Variants in F11 observed in about 807,000 individuals in gnomAD.
The protein encoded by F11 is coagualtion factor XI.
A neutral mutation model predicts 76.5 loss-of-function variants in F11; 78 were observed. That is an observed-to-expected ratio of 1.02 (90% CI 0.85 to 1.23). The LOEUF is 1.23. F11 is among the 50% of genes most tolerant of loss of function. The pLI is 0.00. For synonymous variants in F11, 278 were observed against 276.3 expected (o/e 1.01, Z -0.06); for missense variants, 742 against 771.4 (o/e 0.96, Z 0.45).
chr4:186,288,279 G>A (rs1741364749), intron 14 of F11, 174 bp from the exon 15 acceptor site: 1 of 765,930 alleles, frequency 1.3e-6, no homozygotes, highest in African/African-American at 1.7e-5. Context: ...GTTTGACTTA[G>A]ACTGAAATCA....
Position 186,280,012 on chromosome 4 carries a change from A to C in F11, c.756A>C (p.Arg252Ser). ...FSQEWPKESQ[R>S]NLCLLKTSES... Reference sequence around the variant, plus strand: ...TCTACTTCCCTTTTGTTTTTGTTAGAAATCTTTGTCTCCTTAAAACATCTG... The same window carrying C: ...TCTACTTCCCTTTTGTTTTTGTTAGCAATCTTTGTCTCCTTAAAACATCTG... Residue 252 changes from arginine (R) to serine (S), a missense_variant and splice_region_variant, in exon 8 of 15, where the codon AGA becomes AGC. By Grantham distance (110) the Arg-to-Ser change is moderately radical. Coordinates refer to ENST00000403665, the MANE Select transcript of F11 (RefSeq NM_000128.4). 2 of 1,611,222 alleles carry C rather than the reference A, an allele frequency of 1.2e-6. No homozygotes were observed. Among genetic ancestry groups the C allele is most frequent in the South Asian group, 2.2e-5 (2 of 91,006 alleles).
In F11 at chr4:186,288,187, C is replaced by A. The variant is rs567439820; in HGVS notation, c.1717-266C>A. On this transcript the variant is annotated intron_variant, in intron 14 of 14. Coordinates refer to ENST00000403665, the MANE Select transcript of F11 (RefSeq NM_000128.4). ...TGGGCCTCCCAAAGTGCTGGGATTA[C>A]AGGCGTGAGCCACCGCGCCGGGCCG... Among the ~76,000 whole-genome samples the A allele has an allele frequency of 1.2e-4, 19 of 152,178 alleles. 1 individual carries two copies. Among genetic ancestry groups the A allele is most frequent in the South Asian group, 8.3e-4 (4 of 4,810 alleles).
chr4:186,290,288 A>G (rs1186678393), downstream of F11, among the ~76,000 whole-genome samples: 1 of 152,234 alleles, frequency 6.6e-6, no homozygotes, highest in Non-Finnish European at 1.5e-5. Flanking sequence ...GCAAAATGAC[A>G]GTAGAACATA....
intron 12 of F11, 59 bp downstream of exon 12, chr4:186,285,872 C>A: frequency 1.9e-6 from 3 of 1,561,682 alleles, no homozygotes; most frequent in Admixed American, 3.3e-5. Flanking sequence ...AAATGTTTAA[C>A]ACTACTAGAC....
chr4:186,282,000 C>A (rs145619381), intron 10 of F11: 1 of 1,252,978 alleles, frequency 8.0e-7, no homozygotes, highest in Non-Finnish European at 1.1e-6. Flanking sequence ...AAGTCAATTA[C>A]GTCGTATCTC....
chr4:186,283,950 G>A, intron 10 of F11, 142 bp from the exon 11 acceptor site: 1 of 1,335,972 alleles, frequency 7.5e-7, no homozygotes, highest in Non-Finnish European at 1.1e-6. Flanking sequence ...TGCTTTGGCA[G>A]CTTGATTATA....
At chr4:186,280,196 C>G (rs755759157) in intron 8 of F11, 27 bp from the exon 9 acceptor site, 16 of 1,614,012 alleles carry the variant, frequency 9.9e-6, no homozygotes, top group Non-Finnish European at 1.2e-5. Flanking sequence ...GGGAGGGTCT[C>G]ACTCTGACAT....
chr4:186,288,023 G>A (rs1017627421), intron 14 of F11, among the ~76,000 whole-genome samples, 200 bp downstream of exon 14: 2 of 151,490 alleles, frequency 1.3e-5, no homozygotes, highest in African/African-American at 4.9e-5. Flanking sequence ...TCCTGCCTCA[G>A]CCTCCCAAAT....
At chr4:186,281,299 G>A (rs1040110719) in intron 10 of F11, among the ~76,000 whole-genome samples, 1 of 152,150 alleles carries the variant, frequency 6.6e-6, no homozygotes, top group Non-Finnish European at 1.5e-5. Context: ...CAAAAATTGT[G>A]TATCTATTCA....
intron 2 of F11, among the ~76,000 whole-genome samples, chr4:186,268,452 A>C (rs1317927022): frequency 6.6e-6 from 1 of 152,316 alleles, no homozygotes; most frequent in East Asian, 1.9e-4. Flanking sequence ...AACATTTACA[A>C]ATATTGACCA....
intron 2 of F11, among the ~76,000 whole-genome samples, chr4:186,269,804 T>G (rs929196007): frequency 6.6e-6 from 1 of 152,338 alleles, no homozygotes; most frequent in East Asian, 1.9e-4. Context: ...TGTTAATATG[T>G]GCCGAAAAAT....
chr4:186,277,849 G>A (rs547886523), intron 7 of F11, among the ~76,000 whole-genome samples: 1 of 152,124 alleles, frequency 6.6e-6, no homozygotes, highest in South Asian at 2.1e-4. Flanking sequence ...CTCAGATTTG[G>A]TTGCACTGGG....
At chr4:186,271,364 G>A (rs1739939766) in intron 2 of F11, among the ~76,000 whole-genome samples, 1 of 152,190 alleles carries the variant, frequency 6.6e-6, no homozygotes, top group Non-Finnish European at 1.5e-5. Flanking sequence ...AGCACTCCTT[G>A]TCTCCAAGAC....
chr4:186,288,811 G>A lies in F11; in HGVS notation c.*197G>A. On this transcript the variant is annotated 3_prime_UTR_variant, in exon 15 of 15. Transcript: ENST00000403665. ...TCCCGTTCTATGATCGTTGTAGTTT[G>A]TTTGAGCATTCAGTCTCTTTGTTTT... 1 of 618,202 alleles carries A rather than the reference G, an allele frequency of 1.6e-6. No individual in the cohort carries two copies. The highest frequency in any genetic ancestry group is 2.8e-6 in the Non-Finnish European group (1 of 351,560). The allele number at this position is 618,202 out of a possible 1,614,324, so 38.3% of individuals were successfully genotyped here. A position where few individuals can be genotyped will look rare whatever the true frequency, so the allele number is the denominator to read the frequency against.
In F11 at chr4:186,271,664, G is replaced by T. The variant is rs762996950; in HGVS notation, c.111G>T (p.Thr37=). The change falls in exon 3 of 15, where the codon ACG becomes ACT. Residue 37 remains threonine, a synonymous_variant. Transcript: ENST00000403665. ...DTCFEGGDIT[T]VFTPSAKYCQ... ...GCTTTGAAGGAGGGGACATTACTAC[G>T]GTCTTCACACCAAGCGCCAAGTACT... 3 of 1,614,100 alleles carry T rather than the reference G, an allele frequency of 1.9e-6. No homozygotes were observed. The South Asian group carries it at 3.3e-5, about 18-fold the overall frequency.
intron 2 of F11, among the ~76,000 whole-genome samples, chr4:186,268,130 T>C (rs1739639553): frequency 6.6e-6 from 1 of 152,094 alleles, no homozygotes; most frequent in Non-Finnish European, 1.5e-5. Context: ...AACATTGAAG[T>C]GAAATTTTTT....
intron 1 of F11, among the ~76,000 whole-genome samples, chr4:186,266,831 G>A (rs1481580982): frequency 6.6e-6 from 1 of 152,134 alleles, no homozygotes; most frequent in East Asian, 1.9e-4. Flanking sequence ...TCAGATGGTG[G>A]CCATGAGAAG....
At chr4:186,280,766 C>T (rs1740738327) in intron 10 of F11, among the ~76,000 whole-genome samples, 186 bp downstream of exon 10, 1 of 151,796 alleles carries the variant, frequency 6.6e-6, no homozygotes, top group Non-Finnish European at 1.5e-5. Context: ...AATATTGAGG[C>T]TTGACTAAAC....
intron 10 of F11, chr4:186,282,202 C>T: frequency 9.4e-7 from 1 of 1,060,660 alleles, no homozygotes; most frequent in Non-Finnish European, 1.2e-6. Flanking sequence ...CTGCATTTTC[C>T]CCCTTCCTTC....
Sources: allele counts gnomAD v4.1 joint callset (sites outside exome capture counted in the v4.1 genomes callset), GRCh38; gene constraint gnomAD v4.1.1; transcripts MANE v1.5; gene names NCBI Gene and HGNC (gene_info 2026-07-23, HGNC 2026-07-21).